The following ADAM2 variants were observed in gnomAD, a reference collection of about 807,000 sequenced individuals.
ADAM2 encodes the protein disintegrin and metalloproteinase domain-containing protein 2.
ADAM2 carries 101 observed loss-of-function variants against 99.3 expected under a neutral mutation model. That is an observed-to-expected ratio of 1.02 (90% CI 0.87 to 1.20). ADAM2 has a LOEUF of 1.20. ADAM2 is among the 50% of genes most tolerant of loss of function. The pLI is 0.00. For missense variants in ADAM2, 948 were observed against 878.7 expected (o/e 1.08, Z -1.00); for synonymous variants, 323 against 287.6 (o/e 1.12, Z -1.25).
rs548729942 is a variant in ADAM2, at chr8:39,801,809, CCA to C, written c.570+7599_570+7600del. ...GCACGCTGGCCGCATACTGCCACAG[CCA>C]GTGTGTTGGGCAGTGGGAACAAATC... On this transcript the variant is annotated intron_variant, in intron 7 of 20. Transcript: ENST00000265708. Among the ~76,000 whole-genome samples, 687 of 152,268 alleles carry C rather than the reference CCA, an allele frequency of 4.5e-3. 7 individuals carry two copies. The highest frequency in any genetic ancestry group is 0.015 in the African/African-American group (644 of 41,556).
intron 12 of ADAM2, 126 bp downstream of exon 12, chr8:39,769,266 A>G (rs1380231118): frequency 3.0e-6 from 2 of 663,506 alleles, no homozygotes; most frequent in South Asian, 1.9e-5. Flanking sequence ...TAATACCTAC[A>G]TGCCCTCCTG....
At chr8:39,821,693 G>A in intron 4 of ADAM2, 31 bp from the exon 5 acceptor site, 1 of 1,439,348 alleles carries the variant, frequency 6.9e-7, no homozygotes, top group East Asian at 2.3e-5. Context: ...ATCTCCATTA[G>A]AATGGTTTGT....
chr8:39,746,862 T>A (rs1823489309), intron 18 of ADAM2, among the ~76,000 whole-genome samples: 1 of 152,130 alleles, frequency 6.6e-6, no homozygotes, highest in Non-Finnish European at 1.5e-5. Flanking sequence ...TTGCTGAGGA[T>A]TTTTGTATCT....
chr8:39,805,863 CAGA>C (rs917625549), intron 7 of ADAM2, among the ~76,000 whole-genome samples: 48 of 152,260 alleles, frequency 3.2e-4, no homozygotes, highest in African/African-American at 1.1e-3. Context: ...AGCAACAGAT[CAGA>C]AGATTAGCCA....
At chr8:39,767,896 T>TCTCACACA (rs146651173) in intron 12 of ADAM2, among the ~76,000 whole-genome samples, 43 of 147,892 alleles carry the variant, frequency 2.9e-4, no homozygotes, top group African/African-American at 1.1e-3. Context: ...GACAATGCAT[T>TCTCACACA]CACACACACA....
chr8:39,836,355 G>A (rs1805822548), intron 2 of ADAM2, among the ~76,000 whole-genome samples: 1 of 151,866 alleles, frequency 6.6e-6, no homozygotes, highest in African/African-American at 2.4e-5. Context: ...ATAAAATATT[G>A]TTAAAAGCCT....
At chr8:39,782,389 T>C (rs1803269577) in intron 10 of ADAM2, among the ~76,000 whole-genome samples, 1 of 152,142 alleles carries the variant, frequency 6.6e-6, no homozygotes, top group Non-Finnish European at 1.5e-5. Flanking sequence ...TGTTAACATA[T>C]AGTTAACATA....
At chr8:39,787,156 T>C in intron 9 of ADAM2, 101 bp from the exon 10 acceptor site, 2 of 636,258 alleles carry the variant, frequency 3.1e-6, no homozygotes, top group Non-Finnish European at 5.3e-6. Flanking sequence ...AATATTTACA[T>C]CTAACATTAA....
At chr8:39,767,082 T>C in intron 13 of ADAM2, 39 bp from the exon 14 acceptor site, 2 of 1,603,522 alleles carry the variant, frequency 1.2e-6, no homozygotes, top group Non-Finnish European at 1.7e-6. Context: ...TTAAGCAGAA[T>C]GAGAATACAT....
At chr8:39,833,312 G>T (rs893678256) in intron 3 of ADAM2, among the ~76,000 whole-genome samples, 4 of 152,072 alleles carry the variant, frequency 2.6e-5, no homozygotes, top group Non-Finnish European at 4.4e-5. Flanking sequence ...TTCTAGAAAT[G>T]ATATGGATGC....
intron 2 of ADAM2, among the ~76,000 whole-genome samples, chr8:39,834,917 T>A (rs1218086313): frequency 6.6e-6 from 1 of 152,096 alleles, no homozygotes; most frequent in Admixed American, 6.5e-5. Flanking sequence ...GGTCTCCTGG[T>A]GTCTTCATAT....
intron 19 of ADAM2, 22 bp downstream of exon 19, chr8:39,746,450 C>G: frequency 5.5e-6 from 8 of 1,464,522 alleles, no homozygotes; most frequent in Non-Finnish European, 6.4e-6. Flanking sequence ...AATAACAAAT[C>G]TTAAATATGA....
intron 7 of ADAM2, among the ~76,000 whole-genome samples, chr8:39,791,262 A>G (rs1803699535): frequency 6.6e-6 from 1 of 152,040 alleles, no homozygotes; most frequent in Non-Finnish European, 1.5e-5. Flanking sequence ...CTAAGTTAGC[A>G]TAGTAAGAAT....
intron 3 of ADAM2, among the ~76,000 whole-genome samples, chr8:39,827,980 A>AT (rs1476045086): frequency 7.9e-5 from 12 of 152,088 alleles, no homozygotes; most frequent in African/African-American, 2.4e-4. Flanking sequence ...TTTATATATA[A>AT]TTTTTTCTGT....
chr8:39,801,101 C>T (rs910137032), intron 7 of ADAM2, among the ~76,000 whole-genome samples: 2 of 152,092 alleles, frequency 1.3e-5, no homozygotes, highest in Non-Finnish European at 2.9e-5. Flanking sequence ...GCTCTCTGGG[C>T]TTTTGGGTTT....
chr8:39,757,663 G>A (rs920836155), intron 15 of ADAM2, among the ~76,000 whole-genome samples: 1 of 152,098 alleles, frequency 6.6e-6, no homozygotes. Context: ...AATGAACAAT[G>A]TTTTCAGCTC....
At position 39,788,112 on chromosome 8, in the gene ADAM2, C is replaced by T. The variant is rs144909512; in HGVS notation, c.782G>A (p.Arg261His). 152 of 1,552,050 alleles carry T rather than the reference C, an allele frequency of 9.8e-5. 1 individual carries two copies. The highest frequency in any genetic ancestry group is 2.1e-4 in the Admixed American group (11 of 51,726). ...AAGTAAAAATGCCACATCATGAGGA[C>T]GTAAAACAAGATAAGATGTTTTCCA... Reference protein sequence around the residue: ...LRWKTSYLVLRPHDVAFLLVY... With the variant: ...LRWKTSYLVLHPHDVAFLLVY... Residue 261 changes from arginine (R) to histidine (H), a missense_variant, in exon 9 of 21, where the codon CGT becomes CAT. By Grantham distance (29) the Arg-to-His change is conservative. Coordinates refer to ENST00000265708, the MANE Select transcript of ADAM2 (RefSeq NM_001464.5).
chr8:39,834,812 G>A (rs999136897), intron 2 of ADAM2, among the ~76,000 whole-genome samples: 2 of 149,758 alleles, frequency 1.3e-5, no homozygotes, highest in African/African-American at 2.5e-5. Flanking sequence ...TTCATAACTG[G>A]CCTTAATTAT....
At chr8:39,808,338 C>T (rs1350197835) in intron 7 of ADAM2, among the ~76,000 whole-genome samples, 1 of 150,798 alleles carries the variant, frequency 6.6e-6, no homozygotes, top group Non-Finnish European at 1.5e-5. Context: ...ATATTAGAAA[C>T]AAGATTAGGA....
Sources: allele counts gnomAD v4.1 joint callset (sites outside exome capture counted in the v4.1 genomes callset), GRCh38; gene constraint gnomAD v4.1.1; transcripts MANE v1.5; gene names NCBI Gene and HGNC (gene_info 2026-07-23, HGNC 2026-07-21).